The following HYDIN variants were observed in gnomAD, a reference collection of about 807,000 sequenced individuals.
HYDIN encodes the protein axonemal central pair apparatus protein HYDIN.
In HYDIN, 132 loss-of-function variants were observed where a neutral mutation model predicts 403.9. The observed-to-expected ratio is 0.33, with a 90% CI of 0.28 to 0.38. The LOEUF (loss-of-function observed/expected upper bound fraction) is 0.38. Ranked by LOEUF, HYDIN falls within the 10% of genes least tolerant of loss-of-function variation. HYDIN has a pLI of 1.00. For synonymous variants in HYDIN, 1,202 were observed against 1,891.7 expected, an observed-to-expected ratio of 0.64 and a Z score of 9.46; for missense variants, 2,827 against 5,009.5, an observed-to-expected ratio of 0.56 and a Z score of 13.15.
intron 19 of HYDIN, among the ~76,000 whole-genome samples, chr16:71,030,144 G>A (rs1437025548): frequency 2.6e-5 from 4 of 152,084 alleles, no homozygotes; most frequent in East Asian, 1.9e-4. Context: ...TCAACCTCCC[G>A]GGTACAAGCA....
At chr16:70,874,787 G>T in intron 63 of HYDIN, 30 bp downstream of exon 63, 2 of 1,602,014 alleles carry the variant, frequency 1.2e-6, no homozygotes, top group Non-Finnish European at 1.7e-6. Flanking sequence ...GAGATCCATT[G>T]CCCTCTAGAA....
chr16:71,200,097 C>T (rs1598013708), intron 1 of HYDIN, among the ~76,000 whole-genome samples: 2 of 152,244 alleles, frequency 1.3e-5, no homozygotes, highest in East Asian at 1.9e-4. Flanking sequence ...CTCCCAACAG[C>T]GCCATGACAG....
intron 29 of HYDIN, among the ~76,000 whole-genome samples, chr16:70,979,846 C>T (rs2078993294): frequency 6.6e-6 from 1 of 152,066 alleles, no homozygotes; most frequent in Non-Finnish European, 1.5e-5. Context: ...ATCGCTTGAG[C>T]CCTGGAGGTG....
intron 23 of HYDIN, among the ~76,000 whole-genome samples, chr16:71,005,230 G>T (rs1409803310): frequency 6.6e-5 from 10 of 152,034 alleles, no homozygotes; most frequent in Admixed American, 2.6e-4. Context: ...AGAGTTGTTT[G>T]CTAGAACTTT....
intron 45 of HYDIN, among the ~76,000 whole-genome samples, chr16:70,934,129 G>A (rs1211403246): frequency 6.6e-6 from 1 of 152,106 alleles, no homozygotes; most frequent in African/African-American, 2.4e-5. Flanking sequence ...CGTCAAGCAA[G>A]TCAAGGCCTA....
intron 45 of HYDIN, among the ~76,000 whole-genome samples, chr16:70,933,079 C>G (rs2077395434): frequency 6.6e-6 from 1 of 151,656 alleles, no homozygotes; most frequent in South Asian, 2.1e-4. Context: ...TCTTCCCCAT[C>G]CTGTTTCCAG....
intron 1 of HYDIN, among the ~76,000 whole-genome samples, chr16:71,199,760 G>T (rs1009792993): frequency 6.6e-6 from 1 of 152,136 alleles, no homozygotes; most frequent in African/African-American, 2.4e-5. Context: ...TATGCCTAAA[G>T]AACTTTCCAA....
At position 71,230,622 on chromosome 16, in the gene HYDIN, C is replaced by T. The variant is rs763629940; in HGVS notation, c.-84G>A. The T allele has an allele frequency of 3.9e-4, 597 of 1,535,946 alleles. No homozygotes were observed. The highest frequency in any genetic ancestry group is 5.1e-4 in the Non-Finnish European group (584 of 1,146,886). ...CCATTCCCCGCCAAGACCCCGCGTC[C>T]AACTCACAGACCCCGCCGCCGCTGA... is the stretch of plus-strand genomic sequence containing the variant. On this transcript the variant is annotated 5_prime_UTR_variant, in exon 1 of 86. Coordinates refer to ENST00000393567, the MANE Select transcript of HYDIN (RefSeq NM_001270974.2).
chr16:71,141,246 A>T (rs1179594575), intron 7 of HYDIN, among the ~76,000 whole-genome samples: 1 of 135,242 alleles, frequency 7.4e-6, no homozygotes, highest in African/African-American at 2.7e-5. Context: ...ACATATTTGT[A>T]AAAAAAAAAA....
chr16:70,863,032 T>C (rs908314319), intron 68 of HYDIN, 53 bp downstream of exon 68: 7 of 1,535,106 alleles, frequency 4.6e-6, no homozygotes, highest in Non-Finnish European at 6.3e-6. Context: ...AACAAGGCTC[T>C]TCTAATTGGT....
At chr16:70,816,324 C>A (rs2035838077) in intron 84 of HYDIN, among the ~76,000 whole-genome samples, 2 of 152,050 alleles carry the variant, frequency 1.3e-5, no homozygotes, top group Non-Finnish European at 2.9e-5. Flanking sequence ...AATTAAGAAA[C>A]TCTTCTAATA....
At chr16:70,846,408 A>C (rs934488282) in intron 75 of HYDIN, among the ~76,000 whole-genome samples, 74 of 151,696 alleles carry the variant, frequency 4.9e-4, no homozygotes, top group Non-Finnish European at 9.0e-4. Flanking sequence ...TCTAAGAAAT[A>C]GTTTGTTATA....
intron 1 of HYDIN, among the ~76,000 whole-genome samples, chr16:71,194,404 C>T (rs1013304484): frequency 4.6e-5 from 7 of 152,106 alleles, no homozygotes; most frequent in African/African-American, 7.2e-5. Flanking sequence ...AGTGAGACTC[C>T]GTCCCAAAAA....
chr16:71,073,214 C>T (rs530195079), intron 13 of HYDIN, among the ~76,000 whole-genome samples: 83 of 152,224 alleles, frequency 5.5e-4, no homozygotes, highest in Admixed American at 4.7e-3. Flanking sequence ...GATTCTCACA[C>T]TCTCCCTTGC....
At chr16:71,070,305 C>A (rs1223886290) in intron 13 of HYDIN, among the ~76,000 whole-genome samples, 2 of 148,196 alleles carry the variant, frequency 1.3e-5, no homozygotes, top group Non-Finnish European at 1.5e-5. Context: ...TTCCTCCTTC[C>A]TTCCTTCCTT....
intron 9 of HYDIN, among the ~76,000 whole-genome samples, chr16:71,117,970 G>A (rs905131824): frequency 5.9e-5 from 9 of 151,758 alleles, no homozygotes; most frequent in Non-Finnish European, 1.0e-4. Flanking sequence ...TGATACCTCG[G>A]GCCATTGCTC....
intron 83 of HYDIN, among the ~76,000 whole-genome samples, chr16:70,819,525 AGCTCACACTT>A (rs2036086206): frequency 6.9e-6 from 1 of 144,434 alleles, no homozygotes; most frequent in Non-Finnish European, 1.5e-5. Flanking sequence ...CTGACTCCAG[AGCTCACACTT>A]GTAACGACAC....
chr16:70,978,063 C>T (rs1174246872), intron 30 of HYDIN, among the ~76,000 whole-genome samples: 1 of 152,084 alleles, frequency 6.6e-6, no homozygotes, highest in South Asian at 2.1e-4. Context: ...GGCTGCTCTA[C>T]GCAGATGATG....
In HYDIN at chr16:70,943,795, A is replaced by C. The variant is rs956873741; in HGVS notation, c.6669+17T>G. 21 of 1,609,742 alleles carry C rather than the reference A, an allele frequency of 1.3e-5. No homozygotes were observed. The African/African-American group carries it at 2.3e-4, about 17-fold the overall frequency. ...AATGCCAAGCCCTGCAGCTCTGTGC[A>C]GGTGGCATGGACCCACCTGTATCCG... On this transcript the variant is annotated intron_variant, in intron 42 of 85. Coordinates refer to ENST00000393567, the MANE Select transcript of HYDIN (RefSeq NM_001270974.2).
Sources: gnomAD v4.1 joint callset for allele counts (sites outside exome capture counted in the v4.1 genomes callset) on GRCh38, gnomAD v4.1.1 for gene constraint, MANE v1.5 for transcripts, NCBI Gene and HGNC (gene_info 2026-07-23, HGNC 2026-07-21) for gene names.